Variants in MSRA observed in about 807,000 individuals in gnomAD.
The protein encoded by MSRA is methionine sulfoxide reductase A, also known as mitochondrial peptide methionine sulfoxide reductase.
MSRA carries 54 observed loss-of-function variants against 31.3 expected under a neutral mutation model. The observed-to-expected ratio is 1.73, with a 90% CI of 1.39 to 2.17. MSRA has a LOEUF of 2.17. Among genes scored for constraint, MSRA ranks in the 30% most tolerant of loss-of-function variants. The pLI is 0.00. For missense variants in MSRA, 507 were observed against 300.9 expected, an observed-to-expected ratio of 1.69 and a Z score of -5.07; for synonymous variants, 169 against 116.5, an observed-to-expected ratio of 1.45 and a Z score of -2.90.
chr8:10,173,028 G>C (rs1423455373), intron 1 of MSRA, among the ~76,000 whole-genome samples: 1 of 152,240 alleles, frequency 6.6e-6, no homozygotes, highest in African/African-American at 2.4e-5. Context: ...ATTCTAGGTG[G>C]AGAGAAAGAG....
chr8:10,334,151 A>T (rs948672788), intron 5 of MSRA, among the ~76,000 whole-genome samples: 19 of 149,982 alleles, frequency 1.3e-4, no homozygotes, highest in Non-Finnish European at 2.2e-4. Flanking sequence ...TTATCTTACC[A>T]ACTAACATAT....
intron 1 of MSRA, among the ~76,000 whole-genome samples, chr8:10,184,236 G>A (rs1427352504): frequency 6.6e-6 from 1 of 152,006 alleles, no homozygotes; most frequent in Non-Finnish European, 1.5e-5. Flanking sequence ...AAGTGGTTGT[G>A]TTGATGATTT....
rs140239104 is a variant in MSRA at position 10,335,547 on chromosome 8, C to T, written c.543+15558C>T. On this transcript the variant is annotated intron_variant, in intron 5 of 5. Coordinates refer to ENST00000317173, the MANE Select transcript of MSRA (RefSeq NM_012331.5). ...CTGCGGGTGACTCTTGTCCTGACCC[C>T]GTGGCCTAGTGAACAGATGACCCCG... Among the ~76,000 whole-genome samples, 592 of 152,222 alleles carry T rather than the reference C, an allele frequency of 3.9e-3. 3 individuals are homozygous for T. Among genetic ancestry groups the T allele is most frequent in the Admixed American group, 6.5e-3 (99 of 15,290 alleles).
At chr8:10,397,128 G>A (rs1302319807) in intron 5 of MSRA, among the ~76,000 whole-genome samples, 1 of 152,206 alleles carries the variant, frequency 6.6e-6, no homozygotes, top group African/African-American at 2.4e-5. Flanking sequence ...ATGATCCGCA[G>A]GTGTGGGCTT....
chr8:10,215,511 G>C (rs919101825), intron 2 of MSRA, among the ~76,000 whole-genome samples: 1 of 152,156 alleles, frequency 6.6e-6, no homozygotes, highest in South Asian at 2.1e-4. Flanking sequence ...GGAGAGTGAC[G>C]CCAACATCAC....
chr8:10,063,246 T>C (rs4841274), intron 1 of MSRA, among the ~76,000 whole-genome samples: 99,824 of 152,090 alleles, frequency 0.66, 35,899 homozygotes, highest in Non-Finnish European at 0.8. Flanking sequence ...CTCCCATGAG[T>C]CCCGATGACT....
intron 5 of MSRA, among the ~76,000 whole-genome samples, chr8:10,417,340 A>G (rs1431570090): frequency 6.6e-6 from 1 of 151,756 alleles, no homozygotes; most frequent in African/African-American, 2.4e-5. Context: ...GGGCAATTCC[A>G]TTGTCCCAGA....
chr8:10,337,568 T>C, intron 5 of MSRA: 1 of 630,880 alleles, frequency 1.6e-6, no homozygotes. Context: ...CATCAATCCA[T>C]GTTCAAGCAG....
chr8:10,168,063 A>T (rs536121209), intron 1 of MSRA, among the ~76,000 whole-genome samples: 1 of 152,232 alleles, frequency 6.6e-6, no homozygotes, highest in East Asian at 1.9e-4. Flanking sequence ...AATCTCATCT[A>T]TGTTACTTAC....
At chr8:10,263,030 G>A (rs1314159646) in intron 3 of MSRA, among the ~76,000 whole-genome samples, 1 of 152,172 alleles carries the variant, frequency 6.6e-6, no homozygotes, top group Non-Finnish European at 1.5e-5. Flanking sequence ...TCCCACATGG[G>A]TGCTGATTGT....
intron 3 of MSRA, among the ~76,000 whole-genome samples, chr8:10,296,317 C>T (rs1332466090): frequency 2.0e-5 from 3 of 152,182 alleles, no homozygotes; most frequent in Non-Finnish European, 4.4e-5. Context: ...CTAATGGGGG[C>T]GGCATCCTTG....
chr8:10,258,804 C>A (rs1276968703), intron 3 of MSRA, among the ~76,000 whole-genome samples: 1 of 152,144 alleles, frequency 6.6e-6, no homozygotes, highest in Non-Finnish European at 1.5e-5. Flanking sequence ...TATCTAAGAC[C>A]TTTTTAAGAA....
At chr8:10,273,979 T>G (rs1375798146) in intron 3 of MSRA, among the ~76,000 whole-genome samples, 1 of 152,068 alleles carries the variant, frequency 6.6e-6, no homozygotes, top group African/African-American at 2.4e-5. Context: ...GAGAGAGTTG[T>G]ACCCTGCAGG....
intron 2 of MSRA, among the ~76,000 whole-genome samples, chr8:10,221,030 A>C (rs1810447311): frequency 6.6e-6 from 1 of 152,118 alleles, no homozygotes; most frequent in Non-Finnish European, 1.5e-5. Flanking sequence ...CAGGCCTCAC[A>C]CTGACAGCTC....
chr8:10,242,332 CAG>C (rs1402232905), intron 2 of MSRA, among the ~76,000 whole-genome samples: 1 of 151,338 alleles, frequency 6.6e-6, no homozygotes, highest in Non-Finnish European at 1.5e-5. Flanking sequence ...ACTATAATGT[CAG>C]GGGTGGACAC....
chr8:10,190,730 T>C (rs1455287277), intron 1 of MSRA, among the ~76,000 whole-genome samples: 1 of 152,246 alleles, frequency 6.6e-6, no homozygotes, highest in African/African-American at 2.4e-5. Context: ...ATCCAAAAAT[T>C]TCTTGTAAGC....
chr8:10,152,708 A>G (rs1212571456), intron 1 of MSRA, among the ~76,000 whole-genome samples: 1 of 152,228 alleles, frequency 6.6e-6, no homozygotes, highest in Non-Finnish European at 1.5e-5. Flanking sequence ...GTTAAAAATG[A>G]GTAACGCACA....
At chr8:10,208,623 C>T (rs1167270673) in intron 2 of MSRA, among the ~76,000 whole-genome samples, 1 of 152,114 alleles carries the variant, frequency 6.6e-6, no homozygotes, top group East Asian at 1.9e-4. Flanking sequence ...CCCACCTCCC[C>T]TCCCCTTCTC....
At chr8:10,272,899 T>G (rs1157181861) in intron 3 of MSRA, among the ~76,000 whole-genome samples, 1 of 152,178 alleles carries the variant, frequency 6.6e-6, no homozygotes, top group Non-Finnish European at 1.5e-5. Context: ...TAACAGCATC[T>G]GTAGCAAATT....
Sources: allele counts gnomAD v4.1 joint callset (sites outside exome capture counted in the v4.1 genomes callset), GRCh38; gene constraint gnomAD v4.1.1; transcripts MANE v1.5; gene names NCBI Gene and HGNC (gene_info 2026-07-23, HGNC 2026-07-21).